The following TYR variants were observed in gnomAD, a reference collection of about 807,000 sequenced individuals.
TYR encodes the protein LB24-AB.
In TYR, 58 loss-of-function variants were observed where a neutral mutation model predicts 51.5. The ratio of observed to expected loss-of-function variants is 1.13; its 90% confidence interval spans 0.91 to 1.40. The LOEUF (loss-of-function observed/expected upper bound fraction) is 1.40. Among genes scored for constraint, TYR ranks in the 40% most tolerant of loss-of-function variants. The pLI is 0.00. For synonymous variants in TYR, 263 were observed against 235.2 expected (o/e 1.12, Z -1.08); for missense variants, 732 against 647.4 (o/e 1.13, Z -1.42).
intron 4 of TYR, among the ~76,000 whole-genome samples, chr11:89,293,580 G>A (rs901128422): frequency 1.3e-5 from 2 of 151,270 alleles, no homozygotes; most frequent in Admixed American, 6.6e-5. Context: ...GTAACAAGTG[G>A]TATTGATGAA....
intron 3 of TYR, among the ~76,000 whole-genome samples, chr11:89,257,096 CAAG>C (rs1282155549): frequency 6.6e-6 from 1 of 151,916 alleles, no homozygotes; most frequent in African/African-American, 2.4e-5. Context: ...CTGAAATAAA[CAAG>C]AAGGAACAAG....
chr11:89,185,751 C>T (rs1943363545), intron 1 of TYR, among the ~76,000 whole-genome samples: 1 of 152,110 alleles, frequency 6.6e-6, no homozygotes. Context: ...TACCTAATTA[C>T]TCTATTTTAT....
intron 1 of TYR, among the ~76,000 whole-genome samples, chr11:89,186,095 C>A (rs1943368565): frequency 6.6e-6 from 1 of 152,078 alleles, no homozygotes; most frequent in East Asian, 1.9e-4. Flanking sequence ...TAGCCACAAT[C>A]AGAGTCATGG....
intron 1 of TYR, among the ~76,000 whole-genome samples, chr11:89,189,416 A>G (rs1299293172): frequency 2.6e-5 from 4 of 151,930 alleles, no homozygotes; most frequent in African/African-American, 9.7e-5. Context: ...TTTTCTTAAA[A>G]AACAATCAAC....
At chr11:89,282,125 T>A (rs1273275033) in intron 3 of TYR, among the ~76,000 whole-genome samples, 1 of 151,864 alleles carries the variant, frequency 6.6e-6, no homozygotes, top group East Asian at 1.9e-4. Context: ...ATCCATTAAA[T>A]CTTTTGGTGC....
chr11:89,257,256 G>A (rs1156852937), intron 3 of TYR, among the ~76,000 whole-genome samples: 1 of 151,854 alleles, frequency 6.6e-6, no homozygotes, highest in African/African-American at 2.4e-5. Flanking sequence ...TTAAAAACTG[G>A]CACAGTCCAC....
intron 2 of TYR, among the ~76,000 whole-genome samples, chr11:89,202,676 T>G (rs1943614210): frequency 9.8e-6 from 1 of 102,364 alleles, no homozygotes; most frequent in African/African-American, 4.4e-5. Flanking sequence ...TAGGAAACTT[T>G]AATTTTAGTA....
In TYR at chr11:89,210,674, C is replaced by A. The variant is rs1943742447; in HGVS notation, c.1037-17149C>A. On this transcript the variant is annotated intron_variant, in intron 2 of 4. Coordinates refer to ENST00000263321, the MANE Select transcript of TYR (RefSeq NM_000372.5). ...CCAAGACACATAATTGTCAGATTCA[C>A]CAAGGTTGAAATGAAGGAAAAAGTG... Among the ~76,000 whole-genome samples, 3 of 152,084 alleles carry A rather than the reference C, an allele frequency of 2.0e-5. No homozygotes were observed. The South Asian group carries it at 6.2e-4, about 32-fold the overall frequency.
At chr11:89,206,640 T>C (rs941323283) in intron 2 of TYR, among the ~76,000 whole-genome samples, 3 of 149,492 alleles carry the variant, frequency 2.0e-5, no homozygotes, top group Non-Finnish European at 3.0e-5. Context: ...CTAATCAACA[T>C]TGATAGAACA....
intron 3 of TYR, among the ~76,000 whole-genome samples, chr11:89,245,491 C>T (rs1431985966): frequency 6.6e-6 from 1 of 152,160 alleles, no homozygotes; most frequent in Admixed American, 6.5e-5. Flanking sequence ...CAGGAACTAT[C>T]AGGATAAGGG....
chr11:89,195,574 G>A (rs1481875974), intron 2 of TYR, among the ~76,000 whole-genome samples: 1 of 152,070 alleles, frequency 6.6e-6, no homozygotes, highest in Admixed American at 6.6e-5. Context: ...AGCTACTTGG[G>A]AGGCTGAGGC....
At chr11:89,221,162 G>T (rs566651050) in intron 2 of TYR, among the ~76,000 whole-genome samples, 96 of 152,312 alleles carry the variant, frequency 6.3e-4, no homozygotes, top group African/African-American at 1.9e-3. Flanking sequence ...CTGACTTTCT[G>T]TTCAGTGACT....
intron 3 of TYR, 107 bp downstream of exon 3, chr11:89,228,077 C>T: frequency 7.1e-7 from 1 of 1,407,590 alleles, no homozygotes; most frequent in Non-Finnish European, 9.9e-7. Flanking sequence ...TTATGGTAGT[C>T]TATTGTCTGT....
intron 3 of TYR, among the ~76,000 whole-genome samples, chr11:89,230,791 C>T (rs1434425583): frequency 6.6e-6 from 1 of 151,424 alleles, no homozygotes; most frequent in Non-Finnish European, 1.5e-5. Flanking sequence ...CTCAACATCA[C>T]TAATCATCAG....
intron 3 of TYR, among the ~76,000 whole-genome samples, chr11:89,248,372 T>C (rs1302846683): frequency 6.6e-6 from 1 of 152,142 alleles, no homozygotes; most frequent in African/African-American, 2.4e-5. Flanking sequence ...AAGGTTCCAG[T>C]TGAGATAGGC....
At chr11:89,260,594 G>A (rs1241508025) in intron 3 of TYR, among the ~76,000 whole-genome samples, 8 of 152,086 alleles carry the variant, frequency 5.3e-5, no homozygotes, top group Non-Finnish European at 5.9e-5. Flanking sequence ...ACACTAAACA[G>A]TGACTCATCC....
chr11:89,261,347 C>T (rs1364512158), intron 3 of TYR, among the ~76,000 whole-genome samples: 1 of 151,828 alleles, frequency 6.6e-6, no homozygotes. Flanking sequence ...ACATTAGATG[C>T]ACAGATAGGT....
chr11:89,233,146 C>T lies in TYR; in HGVS notation c.1184+5176C>T, dbSNP rs370734451. 4.2e-5 allele frequency among the ~76,000 whole-genome samples: 6 copies of T among 143,676 alleles called. No individual in the cohort carries two copies. In the East Asian group the frequency reaches 8.1e-4, roughly 19 times the overall value. The allele number at this position is 143,676 out of a possible 152,430, so 94.3% of individuals were successfully genotyped here. On this transcript the variant is annotated intron_variant, in intron 3 of 4. Transcript: ENST00000263321. ...CTAGGTTTATCTGATATACTAAATA[C>T]TTTGTTACAATATCAAAACATTCAC... is the stretch of plus-strand genomic sequence containing the variant.
intron 2 of TYR, among the ~76,000 whole-genome samples, chr11:89,195,840 A>G (rs781346193): frequency 6.6e-6 from 1 of 152,116 alleles, no homozygotes; most frequent in Non-Finnish European, 1.5e-5. Flanking sequence ...GAAACTCTCT[A>G]TCCATTATGT....
Sources: allele counts gnomAD v4.1 joint callset (sites outside exome capture counted in the v4.1 genomes callset), GRCh38; gene constraint gnomAD v4.1.1; transcripts MANE v1.5; gene names NCBI Gene and HGNC (gene_info 2026-07-23, HGNC 2026-07-21).